TAFA1: variants seen among roughly 807,000 people sequenced by gnomAD.
TAFA1 encodes chemokine-like protein TAFA-1.
A neutral mutation model predicts 18.5 loss-of-function variants in TAFA1; 4 were observed. The observed-to-expected ratio is 0.22, with a 90% CI of 0.11 to 0.49. The LOEUF (loss-of-function observed/expected upper bound fraction) is 0.49. TAFA1 is among the 20% of genes least tolerant of loss of function. TAFA1 has a pLI of 0.98. For synonymous variants in TAFA1, 56 were observed against 55.2 expected, an observed-to-expected ratio of 1.01 and a Z score of -0.06; for missense variants, 147 against 169.0, an observed-to-expected ratio of 0.87 and a Z score of 0.72.
chr3:68,393,476 A>C (rs2070305477), intron 2 of TAFA1, among the ~76,000 whole-genome samples: 1 of 152,154 alleles, frequency 6.6e-6, no homozygotes, highest in African/African-American at 2.4e-5. Flanking sequence ...TATTTCAAAC[A>C]ACAGAAAAAG....
chr3:68,059,885 T>C (rs754757336), intron 2 of TAFA1, among the ~76,000 whole-genome samples: 7 of 152,136 alleles, frequency 4.6e-5, no homozygotes, highest in Non-Finnish European at 8.8e-5. Context: ...TAAGCCTAAA[T>C]TGCTGGGTGC....
chr3:68,458,445 T>A (rs754058952), intron 3 of TAFA1, among the ~76,000 whole-genome samples: 6 of 152,200 alleles, frequency 3.9e-5, no homozygotes, highest in Non-Finnish European at 7.3e-5. Context: ...CATGGACATT[T>A]GATAAGCCAG....
chr3:68,417,545 T>C (rs756513239), intron 3 of TAFA1, 125 bp downstream of exon 3: 22 of 869,934 alleles, frequency 2.5e-5, no homozygotes, highest in Non-Finnish European at 2.1e-5. Flanking sequence ...TAGAAAGTTA[T>C]ACAATTGCCA....
chr3:68,023,540 A>G (rs1287656473), intron 2 of TAFA1, among the ~76,000 whole-genome samples: 2 of 152,164 alleles, frequency 1.3e-5, no homozygotes, highest in Non-Finnish European at 2.9e-5. Flanking sequence ...GTTGAACAGC[A>G]TTCATGATAT....
At chr3:68,353,859 A>G (rs2069315105) in intron 2 of TAFA1, among the ~76,000 whole-genome samples, 1 of 152,064 alleles carries the variant, frequency 6.6e-6, no homozygotes, top group Non-Finnish European at 1.5e-5. Context: ...ATAATTCCCA[A>G]ATTAATCAAC....
upstream of TAFA1, among the ~76,000 whole-genome samples, chr3:68,001,245 C>A (rs150306474): frequency 0.016 from 2,462 of 152,188 alleles, 71 homozygotes; most frequent in African/African-American, 0.057. Context: ...CTTATTCTTT[C>A]TTTTTCTTCT....
intron 2 of TAFA1, among the ~76,000 whole-genome samples, chr3:68,372,378 G>A (rs1315524265): frequency 1.3e-5 from 2 of 152,122 alleles, no homozygotes; most frequent in Admixed American, 1.3e-4. Flanking sequence ...AGACAAGACT[G>A]TTGTGGACGT....
At chr3:68,276,759 G>T (rs1575739666) in intron 2 of TAFA1, among the ~76,000 whole-genome samples, 1 of 152,190 alleles carries the variant, frequency 6.6e-6, no homozygotes, top group East Asian at 1.9e-4. Context: ...TATCTGTCTT[G>T]AGTTTTATCA....
intron 3 of TAFA1, among the ~76,000 whole-genome samples, chr3:68,497,249 C>T (rs147009156): frequency 6.6e-6 from 1 of 152,094 alleles, no homozygotes; most frequent in Non-Finnish European, 1.5e-5. Context: ...AACTTTAATT[C>T]TTTAACATAT....
intron 2 of TAFA1, chr3:68,144,961 A>G: frequency 1.1e-6 from 1 of 876,078 alleles, no homozygotes; most frequent in South Asian, 1.4e-5. Flanking sequence ...TAATGACTAT[A>G]AAGTGGCATC....
intron 2 of TAFA1, among the ~76,000 whole-genome samples, chr3:68,402,524 T>C (rs2070517777): frequency 6.6e-6 from 1 of 152,162 alleles, no homozygotes; most frequent in South Asian, 2.1e-4. Context: ...GAGTAATAAA[T>C]TTTTCTACCT....
At chr3:68,534,031 A>C (rs2073232967) in intron 3 of TAFA1, among the ~76,000 whole-genome samples, 1 of 152,214 alleles carries the variant, frequency 6.6e-6, no homozygotes, top group African/African-American at 2.4e-5. Flanking sequence ...CCGTATATAT[A>C]TGTCTTTGAC....
chr3:68,120,175 TTCTTTC>T (rs1176229664), intron 2 of TAFA1, among the ~76,000 whole-genome samples: 325 of 17,142 alleles, frequency 0.019, 2 homozygotes, highest in Non-Finnish European at 0.034. Flanking sequence ...TTCTTTCTCT[TTCTTTC>T]TTTCTTTCTT....
rs1390536150 is a variant in TAFA1 at position 68,077,266 on chromosome 3, C to G, written c.118+70522C>G. Among the ~76,000 whole-genome samples, 454 of 140,606 alleles carry G rather than the reference C, an allele frequency of 3.2e-3. 3 individuals are homozygous for G. Among genetic ancestry groups the G allele is most frequent in the African/African-American group, 0.011 (414 of 37,462 alleles). The allele number at this position is 140,606 out of a possible 152,430, so 92.2% of individuals were successfully genotyped here. On this transcript the variant is annotated intron_variant, in intron 2 of 4. Coordinates refer to ENST00000478136, the MANE Select transcript of TAFA1 (RefSeq NM_213609.4). ...TCTCCCATTTTGTAGGTTGCCTGTT[C>G]ACTCTGATGGTAGTTTCTTTTGCTG...
intron 3 of TAFA1, among the ~76,000 whole-genome samples, chr3:68,477,998 G>A (rs143439135): frequency 3.3e-5 from 5 of 152,270 alleles, no homozygotes; most frequent in African/African-American, 7.2e-5. Context: ...GAGATTTGGA[G>A]CCTGTGCTTT....
intron 3 of TAFA1, among the ~76,000 whole-genome samples, chr3:68,456,887 T>C (rs140148436): frequency 7.2e-5 from 11 of 152,332 alleles, no homozygotes; most frequent in African/African-American, 2.6e-4. Context: ...CTTTTTCTTG[T>C]AATGTCATGA....
At chr3:68,078,629 A>G (rs1015584453) in intron 2 of TAFA1, among the ~76,000 whole-genome samples, 68 of 152,014 alleles carry the variant, frequency 4.5e-4, no homozygotes, top group African/African-American at 1.6e-3. Flanking sequence ...ATTTGTGTAT[A>G]TTGAACCAGC....
intron 2 of TAFA1, among the ~76,000 whole-genome samples, chr3:68,196,733 A>G (rs1472240295): frequency 6.6e-6 from 1 of 151,410 alleles, no homozygotes; most frequent in African/African-American, 2.4e-5. Flanking sequence ...CTCTTTCACT[A>G]TGCAGAAAGA....
At chr3:68,064,326 T>TA (rs2064644857) in intron 2 of TAFA1, among the ~76,000 whole-genome samples, 1 of 152,226 alleles carries the variant, frequency 6.6e-6, no homozygotes, top group Admixed American at 6.5e-5. Context: ...ATATTTTTTT[T>TA]ATTACCTGAA....
Sources: allele counts gnomAD v4.1 joint callset (sites outside exome capture counted in the v4.1 genomes callset), GRCh38; gene constraint gnomAD v4.1.1; transcripts MANE v1.5; gene names NCBI Gene and HGNC (gene_info 2026-07-23, HGNC 2026-07-21).